ADAM22: variants seen among roughly 807,000 people sequenced by gnomAD.
The protein encoded by ADAM22 is ADAM metallopeptidase domain 22, also known as disintegrin and metalloproteinase domain-containing protein 22.
ADAM22 carries 65 observed loss-of-function variants against 144.6 expected under a neutral mutation model. The ratio of observed to expected loss-of-function variants is 0.45; its 90% CI spans 0.37 to 0.55. The LOEUF (loss-of-function observed/expected upper bound fraction) is 0.55. Ranked by LOEUF, ADAM22 falls within the 20% of genes least tolerant of loss-of-function variation. The pLI is 0.00. For missense variants in ADAM22, 974 were observed against 1,184.9 expected (o/e 0.82, Z 2.61); for synonymous variants, 391 against 412.6 (o/e 0.95, Z 0.63).
At position 88,142,655 on chromosome 7, in the gene ADAM22, G is replaced by A. The variant is rs1006278624; in HGVS notation, c.1221-371G>A. Among the ~76,000 whole-genome samples, 17 of 152,134 alleles carry A rather than the reference G, an allele frequency of 1.1e-4. 1 individual carries two copies. Among genetic ancestry groups the A allele is most frequent in the African/African-American group, 3.1e-4 (13 of 41,524 alleles). The stretch of plus-strand genomic sequence containing the variant: ...AGATCGAGACCATCCTGGCTAACAC[G>A]ATGAAACCCCGTCTCTACTAAAAAT... On this transcript the variant is annotated intron_variant, in intron 14 of 31. Coordinates refer to ENST00000413139, the MANE Select transcript of ADAM22 (RefSeq NM_001324418.2).
At chr7:88,076,402 T>A (rs1223956721) in intron 4 of ADAM22, among the ~76,000 whole-genome samples, 1 of 152,142 alleles carries the variant, frequency 6.6e-6, no homozygotes, top group African/African-American at 2.4e-5. Flanking sequence ...AAGTAGTTTT[T>A]GAAATTTGCC....
chr7:88,165,965 A>ATACC lies in ADAM22; in HGVS notation c.2191+19_2191+20insTACC. Reference sequence around the variant, plus strand: ...GGCAATGGTAAGTACTTAATTTGGTAACATTATGTAGTCTTTATACACAAA... The same window carrying ATACC: ...GGCAATGGTAAGTACTTAATTTGGTATACCACATTATGTAGTCTTTATACACAAA... On this transcript the variant is annotated intron_variant, in intron 24 of 31. Coordinates refer to ENST00000413139, the MANE Select transcript of ADAM22 (RefSeq NM_001324418.2). 6.4e-7 allele frequency: 1 copy of ATACC among 1,562,334 alleles called. No homozygotes were observed. The highest frequency in any genetic ancestry group is 1.1e-5 in the South Asian group (1 of 87,874).
chr7:88,025,018 G>A (rs1246020682), intron 3 of ADAM22, among the ~76,000 whole-genome samples: 1 of 152,118 alleles, frequency 6.6e-6, no homozygotes, highest in Non-Finnish European at 1.5e-5. Flanking sequence ...ACATACGTGT[G>A]CATGTGTCTT....
At chr7:87,971,356 T>G (rs1450765715) in intron 2 of ADAM22, among the ~76,000 whole-genome samples, 1 of 152,146 alleles carries the variant, frequency 6.6e-6, no homozygotes, top group South Asian at 2.1e-4. Flanking sequence ...TGAAATATGA[T>G]GAAAAAGGCC....
At chr7:88,138,189 C>A (rs1283723724) in intron 14 of ADAM22, among the ~76,000 whole-genome samples, 1 of 152,104 alleles carries the variant, frequency 6.6e-6, no homozygotes, top group African/African-American at 2.4e-5. Flanking sequence ...CTCCAAAAAT[C>A]TTTGGACTTT....
At chr7:88,035,818 A>G (rs1391083360) in intron 3 of ADAM22, among the ~76,000 whole-genome samples, 2 of 152,204 alleles carry the variant, frequency 1.3e-5, no homozygotes, top group Non-Finnish European at 2.9e-5. Flanking sequence ...CAAGGATACC[A>G]AGGGATGATT....
At chr7:87,972,257 A>C (rs1041891117) in intron 2 of ADAM22, among the ~76,000 whole-genome samples, 4 of 152,010 alleles carry the variant, frequency 2.6e-5, no homozygotes, top group Non-Finnish European at 5.9e-5. Flanking sequence ...AAATCAATGT[A>C]CAAAAATCAC....
chr7:88,181,838 C>A (rs1847107404), intron 28 of ADAM22, 120 bp from the exon 29 acceptor site: 2 of 950,074 alleles, frequency 2.1e-6, no homozygotes, highest in Non-Finnish European at 3.2e-6. Context: ...TACAGTGTGA[C>A]AAACCCGGTG....
intron 2 of ADAM22, among the ~76,000 whole-genome samples, chr7:87,974,432 A>C (rs2129448000): frequency 6.6e-6 from 1 of 152,332 alleles, no homozygotes; most frequent in Non-Finnish European, 1.5e-5. Flanking sequence ...AAATGCGAAG[A>C]AACCAGGCTC....
intron 2 of ADAM22, among the ~76,000 whole-genome samples, chr7:87,978,098 G>A (rs941817034): frequency 2.0e-5 from 3 of 152,266 alleles, no homozygotes; most frequent in African/African-American, 7.2e-5. Context: ...AACCACTTGA[G>A]GTAAACTAGA....
At chr7:87,985,828 A>G (rs1290561050) in intron 3 of ADAM22, among the ~76,000 whole-genome samples, 5 of 152,168 alleles carry the variant, frequency 3.3e-5, no homozygotes, top group Non-Finnish European at 2.9e-5. Flanking sequence ...ATAGATACCT[A>G]GAAGTGGAAT....
chr7:87,934,627 G>C, intron 1 of ADAM22, 77 bp downstream of exon 1: 1 of 1,330,598 alleles, frequency 7.5e-7, no homozygotes, highest in South Asian at 1.3e-5. Context: ...GTATTGAAAA[G>C]GGGGCATCCC....
At chr7:88,189,662 T>C (rs1473585392) in intron 30 of ADAM22, among the ~76,000 whole-genome samples, 1 of 152,116 alleles carries the variant, frequency 6.6e-6, no homozygotes, top group Non-Finnish European at 1.5e-5. Flanking sequence ...CTCCTGGATC[T>C]AGGCCAGGCG....
In ADAM22 at chr7:88,061,103, CA is replaced by C. The variant is rs541347471; in HGVS notation, c.324-14512del. Among the ~76,000 whole-genome samples the C allele has an allele frequency of 1.4e-3, 194 of 138,752 alleles. 1 individual carries two copies. The highest frequency in any genetic ancestry group is 3.9e-3 in the African/African-American group (148 of 37,852). 91.0% of individuals were successfully genotyped at this position (138,752 alleles called of 152,430 possible). A position where few individuals can be genotyped will look rare whatever the true frequency, so the allele number is the denominator to read the frequency against. On this transcript the variant is annotated intron_variant, in intron 3 of 31. Transcript: ENST00000413139. ...TGGGTGACAGAGCAAGACTCTGTCT[CA>C]AAAAAAAAAAGAGTCCTCCTCCATC...
At chr7:87,948,645 A>G (rs1844290188) in intron 2 of ADAM22, among the ~76,000 whole-genome samples, 1 of 152,198 alleles carries the variant, frequency 6.6e-6, no homozygotes. Context: ...ATCCATTGCT[A>G]CATTGCTACA....
chr7:88,063,506 G>A (rs925549539), intron 3 of ADAM22, among the ~76,000 whole-genome samples: 1 of 152,044 alleles, frequency 6.6e-6, no homozygotes, highest in African/African-American at 2.4e-5. Flanking sequence ...CTGACTGGTA[G>A]GAGTCCCAGA....
chr7:88,044,697 C>T (rs1337045870), intron 3 of ADAM22, among the ~76,000 whole-genome samples: 3 of 151,584 alleles, frequency 2.0e-5, no homozygotes, highest in African/African-American at 7.3e-5. Flanking sequence ...CCACCCGCCT[C>T]GGTCTCCCAA....
intron 3 of ADAM22, among the ~76,000 whole-genome samples, chr7:88,026,321 C>G (rs1460213413): frequency 6.6e-6 from 1 of 152,088 alleles, no homozygotes; most frequent in Admixed American, 6.6e-5. Context: ...AGGAGCAGGA[C>G]CAACAGAGAA....
At chr7:87,984,805 T>C (rs1480012815) in intron 3 of ADAM22, among the ~76,000 whole-genome samples, 2 of 151,988 alleles carry the variant, frequency 1.3e-5, no homozygotes, top group African/African-American at 2.4e-5. Context: ...CTCAGCCTCC[T>C]GAGTAGCTGG....
Sources: gnomAD v4.1 joint callset for allele counts (sites outside exome capture counted in the v4.1 genomes callset) on GRCh38, gnomAD v4.1.1 for gene constraint, MANE v1.5 for transcripts, NCBI Gene and HGNC (gene_info 2026-07-23, HGNC 2026-07-21) for gene names.